PGCKA1: variants seen among roughly 807,000 people sequenced by gnomAD.
The protein encoded by PGCKA1 is PDCD10 and GCKIII kinases-associated protein 1.
At chr4:37,587,519 C>A in the PGCKA1 span, among the ~76,000 whole-genome samples, 1 of 152,164 alleles carries the variant, frequency 6.6e-6, no homozygotes, top group Non-Finnish European at 1.5e-5. Flanking sequence ...GCTTATGAAG[C>A]AGCATCCCTG....
the PGCKA1 span, among the ~76,000 whole-genome samples, chr4:37,468,232 G>C: frequency 3.9e-5 from 6 of 152,220 alleles, no homozygotes; most frequent in Non-Finnish European, 8.8e-5. Flanking sequence ...CTCAGGGACT[G>C]TTTCATATCT....
the PGCKA1 span, among the ~76,000 whole-genome samples, chr4:37,491,723 G>A: frequency 1.3e-5 from 2 of 151,958 alleles, no homozygotes; most frequent in African/African-American, 4.8e-5. Flanking sequence ...CTCCAGTTTG[G>A]GGGAATTTTC....
the PGCKA1 span, among the ~76,000 whole-genome samples, chr4:37,578,453 G>A: frequency 6.6e-6 from 1 of 152,110 alleles, no homozygotes; most frequent in Non-Finnish European, 1.5e-5. Flanking sequence ...TAGGTGAAAT[G>A]TGTTTCTAAT....
chr4:37,512,586 T>G, the PGCKA1 span, among the ~76,000 whole-genome samples: 1 of 151,706 alleles, frequency 6.6e-6, no homozygotes, highest in African/African-American at 2.4e-5. Context: ...CCCGAATAGC[T>G]GGGACTACAG....
At chr4:37,588,810 C>G in the PGCKA1 span, 1 of 1,427,634 alleles carries the variant, frequency 7.0e-7, no homozygotes, top group South Asian at 1.1e-5. Flanking sequence ...ATATATCACT[C>G]ACTGTGTTCT....
the PGCKA1 span, among the ~76,000 whole-genome samples, chr4:37,544,337 C>G: frequency 1.3e-5 from 2 of 152,028 alleles, no homozygotes; most frequent in Non-Finnish European, 2.9e-5. Context: ...CTATTTTTAA[C>G]CATTTCACTG....
the PGCKA1 span, among the ~76,000 whole-genome samples, chr4:37,465,103 G>A: frequency 6.6e-6 from 1 of 152,056 alleles, no homozygotes; most frequent in East Asian, 1.9e-4. Context: ...AGAGGGCCGT[G>A]GCCTCACTTT....
At chr4:37,523,307 C>G in the PGCKA1 span, among the ~76,000 whole-genome samples, 1 of 152,116 alleles carries the variant, frequency 6.6e-6, no homozygotes. Context: ...TTCTCCTTCC[C>G]CAGATGCCCA....
the PGCKA1 span, among the ~76,000 whole-genome samples, chr4:37,535,823 G>A: frequency 6.6e-6 from 1 of 152,198 alleles, no homozygotes; most frequent in Non-Finnish European, 1.5e-5. Flanking sequence ...GACTGGAGCT[G>A]TGTTTCCTGG....
chr4:37,560,606 G>A, the PGCKA1 span, among the ~76,000 whole-genome samples: 3 of 151,002 alleles, frequency 2.0e-5, no homozygotes, highest in African/African-American at 7.3e-5. Flanking sequence ...TTGTCACTTT[G>A]AGCTTTCACA....
the PGCKA1 span, among the ~76,000 whole-genome samples, chr4:37,520,940 A>T: frequency 6.6e-6 from 1 of 152,138 alleles, no homozygotes; most frequent in Admixed American, 6.5e-5. Context: ...TATTTTATTT[A>T]TTTGGGTATT....
At chr4:37,569,775 A>C in the PGCKA1 span, among the ~76,000 whole-genome samples, 1 of 152,304 alleles carries the variant, frequency 6.6e-6, no homozygotes, top group South Asian at 2.1e-4. Context: ...GAATTTCTTC[A>C]TCTTTAATTT....
At chr4:37,477,207 C>G in the PGCKA1 span, among the ~76,000 whole-genome samples, 1 of 152,138 alleles carries the variant, frequency 6.6e-6, no homozygotes, top group Non-Finnish European at 1.5e-5. Context: ...GACTATTGTT[C>G]AGCCGTAAAA....
At chr4:37,491,560 T>C in the PGCKA1 span, among the ~76,000 whole-genome samples, 1 of 152,196 alleles carries the variant, frequency 6.6e-6, no homozygotes, top group Non-Finnish European at 1.5e-5. Context: ...TTTCAAGATG[T>C]TCAGTGAGTC....
the PGCKA1 span, among the ~76,000 whole-genome samples, chr4:37,556,337 G>A: frequency 3.3e-5 from 5 of 151,414 alleles, no homozygotes; most frequent in East Asian, 1.9e-4. Context: ...GCACCATCTC[G>A]GCTCACTGCA....
the PGCKA1 span, among the ~76,000 whole-genome samples, chr4:37,479,952 A>T: frequency 1.3e-5 from 2 of 152,354 alleles, no homozygotes; most frequent in East Asian, 3.9e-4. Context: ...CAATTTGGTC[A>T]TTTTGGTAGA....
At chr4:37,572,986 A>G in the PGCKA1 span, among the ~76,000 whole-genome samples, 4 of 152,152 alleles carry the variant, frequency 2.6e-5, no homozygotes, top group African/African-American at 9.7e-5. Context: ...CCAACATTGT[A>G]TTGTATTTTC....
the PGCKA1 span, among the ~76,000 whole-genome samples, chr4:37,487,534 C>G: frequency 6.6e-6 from 1 of 152,212 alleles, no homozygotes; most frequent in East Asian, 1.9e-4. Flanking sequence ...GTGAAATATA[C>G]AAATTTAAGT....
At chr4:37,558,779 G>A in the PGCKA1 span, among the ~76,000 whole-genome samples, 2 of 104,554 alleles carry the variant, frequency 1.9e-5, no homozygotes, top group Admixed American at 2.0e-4. Flanking sequence ...CAAAAAGTGG[G>A]CGAAGGACAT....
Sources: allele counts gnomAD v4.1 joint callset (sites outside exome capture counted in the v4.1 genomes callset), GRCh38; gene constraint gnomAD v4.1.1; transcripts MANE v1.5; gene names NCBI Gene and HGNC (gene_info 2026-07-23, HGNC 2026-07-21).